The following SMARCAD1 variants were observed in gnomAD, a reference collection of about 807,000 sequenced individuals.
The protein encoded by SMARCAD1 is SWI/SNF-related matrix-associated actin-dependent regulator of chromatin subfamily A containing DEAD/H box 1.
A neutral mutation model predicts 127.1 loss-of-function variants in SMARCAD1; 25 were observed. That is an observed-to-expected ratio of 0.20 (90% CI 0.14 to 0.27). SMARCAD1 has a LOEUF of 0.27. SMARCAD1 is among the 10% of genes least tolerant of loss of function. The pLI, the probability that SMARCAD1 is intolerant of heterozygous loss-of-function variation, is 1.00. For missense variants in SMARCAD1, 807 were observed against 1,206.0 expected (o/e 0.67, Z 4.90); for synonymous variants, 400 against 396.9 (o/e 1.01, Z -0.09).
chr4:94,279,097 A>G, intron 19 of SMARCAD1, 47 bp downstream of exon 19: 10 of 1,611,344 alleles, frequency 6.2e-6, no homozygotes, highest in Non-Finnish European at 8.5e-6. Context: ...TAAGAGGTTA[A>G]GTTGTTAGGC....
intron 6 of SMARCAD1, among the ~76,000 whole-genome samples, chr4:94,244,931 A>G (rs1048090524): frequency 7.9e-5 from 12 of 152,178 alleles, no homozygotes; most frequent in African/African-American, 2.9e-4. Flanking sequence ...ATTTAAAGTG[A>G]ACATTTTAGA....
Position 94,270,683 on chromosome 4 carries a change from A to G in SMARCAD1, c.1482-45A>G, listed in dbSNP as rs376489179. On this transcript the variant is annotated intron_variant, in intron 10 of 23. Coordinates refer to ENST00000354268, the MANE Select transcript of SMARCAD1 (RefSeq NM_020159.5). Reference sequence around the variant, plus strand: ...CATTGTAATAACTAATAGAAAACTGATAGAAATATAGATGTGTAATATTTG... The same window carrying G: ...CATTGTAATAACTAATAGAAAACTGGTAGAAATATAGATGTGTAATATTTG... 2.8e-5 allele frequency: 43 copies of G among 1,516,166 alleles called. No homozygotes were observed. In the African/African-American group the frequency reaches 5.6e-4, roughly 20 times the overall value. 93.9% of individuals were successfully genotyped at this position (1,516,166 alleles called of 1,614,324 possible).
intron 2 of SMARCAD1, among the ~76,000 whole-genome samples, chr4:94,212,167 T>A (rs1025957471): frequency 9.8e-5 from 15 of 152,304 alleles, no homozygotes; most frequent in East Asian, 1.9e-4. Flanking sequence ...ATACATTTTT[T>A]AAAATTTATT....
At chr4:94,216,020 C>G (rs1743114747) in intron 2 of SMARCAD1, among the ~76,000 whole-genome samples, 1 of 152,122 alleles carries the variant, frequency 6.6e-6, no homozygotes, top group Non-Finnish European at 1.5e-5. Context: ...TAGAAATCTA[C>G]TCTTGGCAAT....
intron 5 of SMARCAD1, among the ~76,000 whole-genome samples, chr4:94,239,963 T>G (rs1747329084): frequency 6.6e-6 from 1 of 152,224 alleles, no homozygotes; most frequent in African/African-American, 2.4e-5. Flanking sequence ...CTTAAAATAT[T>G]ACATTTAGAA....
At chr4:94,287,423 TC>T (rs957313531) in intron 23 of SMARCAD1, among the ~76,000 whole-genome samples, 2 of 152,300 alleles carry the variant, frequency 1.3e-5, no homozygotes, top group African/African-American at 4.8e-5. Flanking sequence ...AATCTGTTTG[TC>T]CCCTCTTACA....
intron 22 of SMARCAD1, among the ~76,000 whole-genome samples, chr4:94,284,207 G>C (rs939004222): frequency 6.6e-6 from 1 of 150,688 alleles, no homozygotes; most frequent in Non-Finnish European, 1.5e-5. Flanking sequence ...GGCGCCTGTA[G>C]TCCCAGCTAC....
chr4:94,244,797 A>AT (rs1284656608), intron 6 of SMARCAD1, among the ~76,000 whole-genome samples: 89 of 152,204 alleles, frequency 5.8e-4, no homozygotes, highest in African/African-American at 2.0e-3. Flanking sequence ...CTTACAGTGT[A>AT]TCAAGCTCTC....
At chr4:94,253,130 C>G in intron 9 of SMARCAD1, 123 bp downstream of exon 9, 1 of 1,546,456 alleles carries the variant, frequency 6.5e-7, no homozygotes, top group Non-Finnish European at 8.8e-7. Context: ...TGTGTAAAGT[C>G]AAACATTACT....
chr4:94,219,397 A>G (rs1203804385), intron 2 of SMARCAD1, among the ~76,000 whole-genome samples: 2 of 152,056 alleles, frequency 1.3e-5, no homozygotes, highest in Non-Finnish European at 2.9e-5. Context: ...TTTTGTTCGA[A>G]TGAGCCTTAA....
rs191016308 is a variant in SMARCAD1, at chr4:94,275,722, T to C, written c.1809-617T>C. On this transcript the variant is annotated intron_variant, in intron 14 of 23. Coordinates refer to ENST00000354268, the MANE Select transcript of SMARCAD1 (RefSeq NM_020159.5). ...AAAATATAACACTTCATGGAGCAGA[T>C]TACTTACAAGTTATACCCAAATTGA... Among the ~76,000 whole-genome samples the C allele has an allele frequency of 4.6e-5, 7 of 152,184 alleles. No homozygotes were observed. In the East Asian group the frequency reaches 1.2e-3, roughly 25 times the overall value.
intron 22 of SMARCAD1, among the ~76,000 whole-genome samples, chr4:94,284,309 G>A (rs79179156): frequency 1.5e-5 from 2 of 130,672 alleles, no homozygotes; most frequent in Admixed American, 8.0e-5. Context: ...CCTGGGTGAC[G>A]GAGCAAGACT....
At chr4:94,281,624 A>C (rs1754034579) in intron 21 of SMARCAD1, 34 bp downstream of exon 21, 1 of 1,284,542 alleles carries the variant, frequency 7.8e-7, no homozygotes, top group Non-Finnish European at 1.1e-6. Context: ...CAAAAAAATA[A>C]CTCATTTATT....
intron 9 of SMARCAD1, among the ~76,000 whole-genome samples, chr4:94,262,496 C>G (rs1232914670): frequency 6.6e-6 from 1 of 152,160 alleles, no homozygotes; most frequent in Non-Finnish European, 1.5e-5. Flanking sequence ...TCACATTACT[C>G]TCATAGAGTT....
chr4:94,243,794 G>C (rs1013022968), intron 6 of SMARCAD1, among the ~76,000 whole-genome samples: 1 of 152,108 alleles, frequency 6.6e-6, no homozygotes, highest in African/African-American at 2.4e-5. Flanking sequence ...GTTAGGTGGT[G>C]ATATGCTATT....
At chr4:94,240,676 T>A (rs891463876) in intron 5 of SMARCAD1, among the ~76,000 whole-genome samples, 2 of 152,224 alleles carry the variant, frequency 1.3e-5, no homozygotes, top group African/African-American at 4.8e-5. Flanking sequence ...TTAGATTAAA[T>A]AATGTGATGG....
Position 94,280,608 on chromosome 4 carries a change from A to G in SMARCAD1, c.2435A>G (p.Glu812Gly). 1 of 1,613,592 alleles carries G rather than the reference A, an allele frequency of 6.2e-7. No individual in the cohort carries two copies. Among genetic ancestry groups the G allele is most frequent in the Non-Finnish European group, 8.5e-7 (1 of 1,179,840 alleles). The change falls in exon 20 of 24, where the codon GAG (glutamate) becomes GGG (glycine). Residue 812 changes from glutamate (E) to glycine (G), a missense_variant. By Grantham distance (98) the Glu-to-Gly change is moderately conservative (BLOSUM62 -2). Around this residue, in one of 8 missense-constraint regions of SMARCAD1, gnomAD observed 99 missense variants for 126.0 expected, o/e 0.79. Transcript: ENST00000354268. ...TGTTTTAAGGAACCTACACATTGTG[A>G]GGCTAACCCTGACCTGATCTTTGAA... Reference protein sequence around the residue: ...QLMLKEPTHCEANPDLIFEDM... With the variant: ...QLMLKEPTHCGANPDLIFEDM...
At chr4:94,226,359 A>C in intron 3 of SMARCAD1, 63 bp downstream of exon 3, 1 of 1,332,724 alleles carries the variant, frequency 7.5e-7, no homozygotes, top group Non-Finnish European at 1.0e-6. Context: ...AAAAAAACCT[A>C]CCTAATTTGA....
rs1741632918 is a variant in SMARCAD1 at position 94,208,527 on chromosome 4, G to A, written c.133G>A (p.Ala45Thr). Residue 45 changes from alanine (A) to threonine (T), a missense_variant, in exon 2 of 24, where the codon GCT becomes ACT. Transcript: ENST00000354268. ...TTCTCTTAGTGCTGAAGAGGAGAAT[G>A]CTGAAGGGGAAGTTAGCAGGGCAAA... ...PISLSAEEEN[A>T]EGEVSRANTP... The A allele has an allele frequency of 6.2e-7, 1 of 1,614,148 alleles. No homozygotes were observed. Among genetic ancestry groups the A allele is most frequent in the African/African-American group, 1.3e-5 (1 of 75,042 alleles).
Sources: allele counts gnomAD v4.1 joint callset (sites outside exome capture counted in the v4.1 genomes callset), GRCh38; gene constraint gnomAD v4.1.1; regional missense constraint gnomAD v4.1.1; transcripts MANE v1.5; gene names NCBI Gene and HGNC (gene_info 2026-07-23, HGNC 2026-07-21).